MDGA2: variants seen among roughly 807,000 people sequenced by gnomAD.
MDGA2 encodes the protein MAM domain-containing glycosylphosphatidylinositol anchor protein 2.
MDGA2 carries 40 observed loss-of-function variants against 117.8 expected under a neutral mutation model. The ratio of observed to expected loss-of-function variants is 0.34; its 90% CI spans 0.26 to 0.44. The LOEUF is 0.44. Ranked by LOEUF, MDGA2 falls within the 20% of genes least tolerant of loss-of-function variation. The probability of loss-of-function intolerance (pLI) is 1.00; values close to 1 mark genes in which losing one functional copy is unlikely to be tolerated. For synonymous variants in MDGA2, 452 were observed against 439.0 expected (o/e 1.03, Z -0.37); for missense variants, 1,123 against 1,250.6 (o/e 0.90, Z 1.54).
Position 46,920,150 on chromosome 14 carries a change from A to G in MDGA2, c.2100T>C (p.Tyr700=). The change falls in exon 10 of 17, where the codon TAT becomes TAC. Residue 700 remains tyrosine, a synonymous_variant. Coordinates refer to ENST00000399232, the MANE Select transcript of MDGA2 (RefSeq NM_001113498.3). Reference sequence around the variant, plus strand: ...AGGTATCATAATAGAATTCTGGAGCATAGGCCTTTCCTGAAAACAGAAAGT... The same window carrying G: ...AGGTATCATAATAGAATTCTGGAGCGTAGGCCTTTCCTGAAAACAGAAAGT... The part of the protein sequence containing the change: ...RCSFLVTGKA[Y]APEFYYDTYN... 1 of 1,607,596 alleles carries G rather than the reference A, an allele frequency of 6.2e-7. No homozygotes were observed. Among genetic ancestry groups the G allele is most frequent in the Non-Finnish European group, 8.5e-7 (1 of 1,177,646 alleles).
intron 1 of MDGA2, among the ~76,000 whole-genome samples, chr14:47,427,821 G>T (rs1007862174): frequency 6.6e-6 from 1 of 151,964 alleles, no homozygotes; most frequent in Admixed American, 6.6e-5. Flanking sequence ...CTAAACATTT[G>T]ATTCAGTGCA....
chr14:47,600,159 G>A (rs2138876937), intron 1 of MDGA2, among the ~76,000 whole-genome samples: 1 of 152,214 alleles, frequency 6.6e-6, no homozygotes, highest in Non-Finnish European at 1.5e-5. Flanking sequence ...ACTTTGGGAG[G>A]CTGAGGTAGG....
chr14:47,468,911 A>C (rs1213755274), intron 1 of MDGA2, among the ~76,000 whole-genome samples: 1 of 152,046 alleles, frequency 6.6e-6, no homozygotes, highest in Non-Finnish European at 1.5e-5. Context: ...AACCTGCTCC[A>C]TACTGAGGGC....
intron 6 of MDGA2, among the ~76,000 whole-genome samples, chr14:47,082,547 C>A (rs1890746816): frequency 6.6e-6 from 1 of 151,826 alleles, no homozygotes; most frequent in Non-Finnish European, 1.5e-5. Flanking sequence ...ATATGCTCAG[C>A]CACTGATTGG....
intron 1 of MDGA2, among the ~76,000 whole-genome samples, chr14:47,447,544 A>C (rs1217760091): frequency 6.6e-6 from 1 of 152,130 alleles, no homozygotes; most frequent in African/African-American, 2.4e-5. Context: ...CACAGCAATA[A>C]ACTTCTCTAG....
chr14:47,534,605 A>G (rs563816367), intron 1 of MDGA2, among the ~76,000 whole-genome samples: 4 of 152,088 alleles, frequency 2.6e-5, no homozygotes, highest in African/African-American at 9.6e-5. Flanking sequence ...CATGGAAGAA[A>G]CCACCCTCAT....
chr14:46,871,021 A>G (rs1285094577), intron 14 of MDGA2: 4 of 151,948 alleles, frequency 2.6e-5, no homozygotes, highest in Non-Finnish European at 1.5e-5. Flanking sequence ...AAAGTACATG[A>G]CACATATTCA....
chr14:47,351,086 T>C (rs1351278802), intron 1 of MDGA2, among the ~76,000 whole-genome samples: 2 of 149,740 alleles, frequency 1.3e-5, no homozygotes, highest in African/African-American at 4.9e-5. Context: ...TAATTTTTTT[T>C]TTTTTTTTTG....
At chr14:47,490,984 T>C (rs893618552) in intron 1 of MDGA2, among the ~76,000 whole-genome samples, 8 of 152,128 alleles carry the variant, frequency 5.3e-5, no homozygotes, top group African/African-American at 1.9e-4. Flanking sequence ...TCCTCTTTTT[T>C]GTCTGTTGAA....
intron 3 of MDGA2, among the ~76,000 whole-genome samples, chr14:47,171,239 T>A (rs71418148): frequency 0.11 from 16,528 of 152,228 alleles, 1,257 homozygotes; most frequent in Non-Finnish European, 0.17. Flanking sequence ...AAATATAGAA[T>A]GTACAATGAG....
chr14:46,958,682 A>G (rs1885660496), intron 8 of MDGA2, among the ~76,000 whole-genome samples: 1 of 152,202 alleles, frequency 6.6e-6, no homozygotes, highest in Non-Finnish European at 1.5e-5. Flanking sequence ...GTGTGTGTTG[A>G]ATGTGTCCAT....
chr14:47,391,399 A>T (rs545550666), intron 1 of MDGA2, among the ~76,000 whole-genome samples: 1 of 152,288 alleles, frequency 6.6e-6, no homozygotes, highest in South Asian at 2.1e-4. Flanking sequence ...GACAAGTGTG[A>T]AACTGCCTCT....
chr14:47,476,665 TTA>T (rs1893847262), intron 1 of MDGA2, among the ~76,000 whole-genome samples: 1 of 152,236 alleles, frequency 6.6e-6, no homozygotes, highest in East Asian at 1.9e-4. Flanking sequence ...TATATTTAAA[TTA>T]GTCTTATTTT....
chr14:47,340,527 A>G (rs914750383), intron 1 of MDGA2, among the ~76,000 whole-genome samples: 18 of 152,142 alleles, frequency 1.2e-4, no homozygotes, highest in African/African-American at 4.1e-4. Context: ...ACAGAGATAT[A>G]ATTTCCAGAT....
At chr14:46,891,711 A>G (rs1419283192) in intron 10 of MDGA2, among the ~76,000 whole-genome samples, 1 of 151,644 alleles carries the variant, frequency 6.6e-6, no homozygotes, top group Non-Finnish European at 1.5e-5. Flanking sequence ...AGTTTCTAAA[A>G]GAATAGGTTA....
At chr14:47,079,393 T>C (rs1890616424) in intron 6 of MDGA2, among the ~76,000 whole-genome samples, 1 of 152,154 alleles carries the variant, frequency 6.6e-6, no homozygotes, top group Non-Finnish European at 1.5e-5. Context: ...CTTTTAGATA[T>C]CAGAAAAATT....
At chr14:47,425,783 AAGAG>A (rs779406118) in intron 1 of MDGA2, among the ~76,000 whole-genome samples, 9 of 152,142 alleles carry the variant, frequency 5.9e-5, no homozygotes, top group African/African-American at 2.2e-4. Flanking sequence ...AGACTTGCAA[AAGAG>A]AGAGTGCCCG....
intron 1 of MDGA2, among the ~76,000 whole-genome samples, chr14:47,635,249 C>T (rs1345706655): frequency 6.6e-6 from 1 of 152,006 alleles, no homozygotes; most frequent in East Asian, 1.9e-4. Flanking sequence ...GATTCTGTAT[C>T]TCAAAGTTTT....
At chr14:46,929,487 G>T (rs899184878) in intron 9 of MDGA2, among the ~76,000 whole-genome samples, 1 of 149,224 alleles carries the variant, frequency 6.7e-6, no homozygotes, top group Non-Finnish European at 1.5e-5. Context: ...ATTCCTCAAG[G>T]TGAAGGTTAT....
Sources: allele counts gnomAD v4.1 joint callset (sites outside exome capture counted in the v4.1 genomes callset), GRCh38; gene constraint gnomAD v4.1.1; transcripts MANE v1.5; gene names NCBI Gene and HGNC (gene_info 2026-07-23, HGNC 2026-07-21).